Variants in PIP4K2A observed in about 807,000 individuals in gnomAD.
PIP4K2A encodes the protein phosphatidylinositol-5-phosphate 4-kinase type 2 alpha.
A neutral mutation model predicts 42.9 loss-of-function variants in PIP4K2A; 14 were observed. The ratio of observed to expected loss-of-function variants is 0.33; its 90% CI spans 0.22 to 0.51. PIP4K2A has a LOEUF of 0.51. PIP4K2A is among the 20% of genes least tolerant of loss of function. The pLI, the probability that PIP4K2A is intolerant of heterozygous loss-of-function variation, is 0.97. For synonymous variants in PIP4K2A, 192 were observed against 192.2 expected (o/e 1.00, Z 0.01); for missense variants, 434 against 519.8 (o/e 0.83, Z 1.61).
chr10:22,549,893 CT>C, intron 7 of PIP4K2A, among the ~76,000 whole-genome samples: 1 of 145,634 alleles, frequency 6.9e-6, no homozygotes, highest in East Asian at 2.0e-4. Flanking sequence ...AGAAAATAAC[CT>C]TTTTTTCCTT....
chr10:22,692,943 G>A (rs1839903163), intron 1 of PIP4K2A, among the ~76,000 whole-genome samples: 1 of 152,208 alleles, frequency 6.6e-6, no homozygotes, highest in Non-Finnish European at 1.5e-5. Context: ...TTTACAGCCA[G>A]GCTGGGAGAA....
chr10:22,680,272 A>T (rs548663432), intron 1 of PIP4K2A, among the ~76,000 whole-genome samples: 107 of 152,304 alleles, frequency 7.0e-4, no homozygotes, highest in Non-Finnish European at 1.3e-3. Flanking sequence ...ACAAAACTAT[A>T]AATAAATTTT....
At position 22,547,535 on chromosome 10, in the gene PIP4K2A, G is replaced by A. The variant is rs113906268; in HGVS notation, c.792+3124C>T. Among the ~76,000 whole-genome samples, 15 of 152,298 alleles carry A rather than the reference G, an allele frequency of 9.8e-5. 1 individual carries two copies. Among genetic ancestry groups the A allele is most frequent in the African/African-American group, 2.9e-4 (12 of 41,554 alleles). On this transcript the variant is annotated intron_variant, in intron 7 of 9. Transcript: ENST00000376573. ...CACTGCATGGGAAGGACTTGGGCTC[G>A]ATGTGCTCCATAAATGCTGCCACCC...
intron 1 of PIP4K2A, among the ~76,000 whole-genome samples, chr10:22,676,022 T>C (rs936231158): frequency 6.6e-6 from 1 of 152,250 alleles, no homozygotes; most frequent in Non-Finnish European, 1.5e-5. Context: ...CTGTGCTCCA[T>C]GATGGCACAT....
intron 6 of PIP4K2A, among the ~76,000 whole-genome samples, chr10:22,558,170 G>T (rs544696877): frequency 6.6e-5 from 10 of 152,134 alleles, no homozygotes; most frequent in Admixed American, 5.9e-4. Context: ...TAAAAAATAC[G>T]TAGTAATTAT....
chr10:22,537,252 T>C lies in PIP4K2A; in HGVS notation c.1170A>G (p.Pro390=), dbSNP rs764965128. ...CCAAAAAGCGCTTTGAATACTGTTC[T>C]GGGTTCACGGTGGAGATCTCCGCGC... The part of the protein sequence containing the change: ...GAGAEISTVN[P]EQYSKRFLDF... Residue 390 remains proline (P), a synonymous_variant, in exon 10 of 10, where the codon CCA becomes CCG. Transcript: ENST00000376573. 1 of 1,606,344 alleles carries C rather than the reference T, an allele frequency of 6.2e-7. No individual in the cohort carries two copies. The highest frequency in any genetic ancestry group is 1.1e-5 in the South Asian group (1 of 89,684).
chr10:22,698,870 G>A (rs1169324844), intron 1 of PIP4K2A, among the ~76,000 whole-genome samples: 1 of 152,104 alleles, frequency 6.6e-6, no homozygotes, highest in Non-Finnish European at 1.5e-5. Flanking sequence ...CTATGTATCT[G>A]TACTTATCAG....
chr10:22,685,190 A>G (rs369412318), intron 1 of PIP4K2A, among the ~76,000 whole-genome samples: 2 of 152,158 alleles, frequency 1.3e-5, no homozygotes, highest in Admixed American at 6.6e-5. Context: ...ACACAGCATA[A>G]GAGATTATAT....
intron 6 of PIP4K2A, among the ~76,000 whole-genome samples, chr10:22,556,985 C>T (rs767776954): frequency 3.9e-5 from 6 of 152,066 alleles, no homozygotes; most frequent in Admixed American, 2.6e-4. Flanking sequence ...CATGAATGTG[C>T]GAAGTGAGAT....
chr10:22,639,569 A>G (rs1838735897), intron 1 of PIP4K2A, among the ~76,000 whole-genome samples: 1 of 152,174 alleles, frequency 6.6e-6, no homozygotes, highest in Admixed American at 6.5e-5. Context: ...TCAAGAACAT[A>G]GAGTGTGCAC....
chr10:22,636,834 G>A (rs1310255731), intron 1 of PIP4K2A, among the ~76,000 whole-genome samples: 1 of 152,194 alleles, frequency 6.6e-6, no homozygotes, highest in Non-Finnish European at 1.5e-5. Context: ...TTGGCCAGTG[G>A]GCAATCAGCA....
intron 1 of PIP4K2A, among the ~76,000 whole-genome samples, chr10:22,708,032 A>G (rs1182557701): frequency 1.3e-5 from 2 of 152,208 alleles, no homozygotes; most frequent in Non-Finnish European, 2.9e-5. Flanking sequence ...GTTTAATATC[A>G]GTCTAGGAAA....
At chr10:22,632,025 T>A (rs1412611755) in intron 1 of PIP4K2A, among the ~76,000 whole-genome samples, 1 of 151,890 alleles carries the variant, frequency 6.6e-6, no homozygotes. Flanking sequence ...GAAAACTGCA[T>A]AATGAATGTA....
At chr10:22,597,246 C>G (rs2130830283) in intron 3 of PIP4K2A, among the ~76,000 whole-genome samples, 1 of 152,154 alleles carries the variant, frequency 6.6e-6, no homozygotes, top group East Asian at 1.9e-4. Flanking sequence ...GCCTTTGGGA[C>G]AGGAAGACCG....
intron 9 of PIP4K2A, 39 bp downstream of exon 9, chr10:22,539,914 AGAGAGAGAGAGAGAGAGG>A: frequency 6.5e-6 from 3 of 463,256 alleles, no homozygotes; most frequent in Non-Finnish European, 1.2e-5. Flanking sequence ...AGAGAGAGGG[AGAGAGAGAGAGAGAGAGG>A]GAGAGAAAGA....
intron 3 of PIP4K2A, among the ~76,000 whole-genome samples, chr10:22,599,912 T>A (rs1386496689): frequency 2.0e-5 from 3 of 152,192 alleles, no homozygotes; most frequent in Non-Finnish European, 4.4e-5. Flanking sequence ...TATTGTCCTT[T>A]CCCTTAAGAA....
chr10:22,562,729 G>C (rs565850846), intron 6 of PIP4K2A, among the ~76,000 whole-genome samples: 1 of 152,180 alleles, frequency 6.6e-6, no homozygotes, highest in South Asian at 2.1e-4. Flanking sequence ...TTCTCTTCTC[G>C]ACACGCTCCT....
chr10:22,567,523 C>T (rs899489149), intron 6 of PIP4K2A: 2 of 540,866 alleles, frequency 3.7e-6, no homozygotes, highest in Non-Finnish European at 7.0e-6. Context: ...CCCTGACCCG[C>T]AGGAACGCAC....
chr10:22,618,848 A>G (rs1397377568), intron 1 of PIP4K2A, among the ~76,000 whole-genome samples: 1 of 152,220 alleles, frequency 6.6e-6, no homozygotes. Flanking sequence ...GTTGTGTCCA[A>G]TTTGTTTGTA....
Sources: gnomAD v4.1 joint callset for allele counts (sites outside exome capture counted in the v4.1 genomes callset) on GRCh38, gnomAD v4.1.1 for gene constraint, MANE v1.5 for transcripts, NCBI Gene and HGNC (gene_info 2026-07-23, HGNC 2026-07-21) for gene names.